The following ZNF320 variants were observed in gnomAD, a reference collection of about 807,000 sequenced individuals.
The protein encoded by ZNF320 is zinc finger protein 320, also known as zinc finger gene 320.
In ZNF320, 2 loss-of-function variants were observed where a neutral mutation model predicts 6.8. The observed-to-expected ratio is 0.29, with a 90% CI of 0.12 to 0.93. ZNF320 has a LOEUF of 0.93. Among genes scored for constraint, ZNF320 ranks in the 40% least tolerant of loss-of-function variants. ZNF320 has a pLI of 0.55. For synonymous variants in ZNF320, 208 were observed against 203.2 expected (o/e 1.02, Z -0.20); for missense variants, 472 against 611.0 (o/e 0.77, Z 2.40).
intron 1 of ZNF320, chr19:52,895,879 T>C (rs966323867): frequency 1.3e-5 from 2 of 151,254 alleles, no homozygotes; most frequent in African/African-American, 4.9e-5. Flanking sequence ...ATGCTTCCAA[T>C]ATATGATACA....
intron 3 of ZNF320, 122 bp from the exon 4 acceptor site, chr19:52,890,450 C>T: frequency 1.2e-6 from 1 of 812,568 alleles, no homozygotes; most frequent in East Asian, 2.8e-5. Context: ...GCCCACTGCC[C>T]CAGGGATGAT....
chr19:52,890,131 A>G, intron 4 of ZNF320, 110 bp downstream of exon 4: 4 of 1,502,926 alleles, frequency 2.7e-6, no homozygotes, highest in Non-Finnish European at 3.6e-6. Flanking sequence ...GGTGATTGTG[A>G]GCAAACCTGT....
chr19:52,888,987 T>C (rs1182613704), intron 4 of ZNF320, among the ~76,000 whole-genome samples: 1 of 151,966 alleles, frequency 6.6e-6, no homozygotes, highest in Admixed American at 6.6e-5. Context: ...AGTTTGAGAC[T>C]AGCCTGGCCA....
At chr19:52,898,045 C>T (rs141476322), upstream of ZNF320, among the ~76,000 whole-genome samples, 2,116 of 152,314 alleles carry the variant, frequency 0.014, 24 homozygotes, top group South Asian at 0.021. Flanking sequence ...AAGTTCCTTG[C>T]TATTGAAATT....
At chr19:52,892,496 A>T (rs980440909) in intron 2 of ZNF320, among the ~76,000 whole-genome samples, 4 of 151,996 alleles carry the variant, frequency 2.6e-5, no homozygotes, top group East Asian at 1.9e-4. Flanking sequence ...CATGCCTGTA[A>T]TCCCAGCACT....
Position 52,880,941 on chromosome 19 carries a change from A to G in ZNF320, c.1185T>C (p.Ser395=), listed in dbSNP as rs759230675. 3 of 1,613,454 alleles carry G rather than the reference A, an allele frequency of 1.9e-6. No homozygotes were observed. In the South Asian group the frequency reaches 3.3e-5, roughly 18 times the overall value. Reference sequence around the variant, plus strand: ...GATGACATGCGAGGTACGCTTTTGTACTAAAAACCTTGCCACATTCATTAC... The same window carrying G: ...GATGACATGCGAGGTACGCTTTTGTGCTAAAAACCTTGCCACATTCATTAC... ...YTCNECGKVF[S]TKAYLACHQK... Residue 395 remains serine, a synonymous_variant, in exon 6 of 6, where the codon AGT becomes AGC. Transcript: ENST00000682928.
chr19:52,859,790 C>T (rs1252029898), downstream of ZNF320, among the ~76,000 whole-genome samples: 1 of 152,072 alleles, frequency 6.6e-6, no homozygotes, highest in Non-Finnish European at 1.5e-5. Context: ...TTCCTACTTA[C>T]AGGTAAACTG....
chr19:52,891,715 T>C (rs2064299968), intron 2 of ZNF320, among the ~76,000 whole-genome samples: 1 of 152,192 alleles, frequency 6.6e-6, no homozygotes, highest in Non-Finnish European at 1.5e-5. Context: ...GCTTTTGTCC[T>C]GGGGAACACG....
chr19:52,866,619 C>T (rs565488854), intron 5 of ZNF320, among the ~76,000 whole-genome samples: 3 of 152,090 alleles, frequency 2.0e-5, no homozygotes, highest in East Asian at 3.9e-4. Context: ...GCATGTAATC[C>T]CAGTACTTTG....
intron 5 of ZNF320, among the ~76,000 whole-genome samples, chr19:52,869,772 A>G (rs2063646503): frequency 6.6e-6 from 1 of 151,498 alleles, no homozygotes; most frequent in South Asian, 2.1e-4. Context: ...CTGGAATGCA[A>G]TGGTGCGATC....
exon 6 of ZNF320, chr19:52,863,885 A>G (rs1007690957): frequency 3.5e-6 from 1 of 285,994 alleles, no homozygotes; most frequent in African/African-American, 2.4e-5. Context: ...ACAAAATAAC[A>G]TGCTGGGCAT....
In ZNF320 at chr19:52,890,328, C is replaced by T. The variant is rs1213696217; in HGVS notation, c.-73G>A. On this transcript the variant is annotated splice_region_variant and 5_prime_UTR_variant, in exon 4 of 6. Coordinates refer to ENST00000682928, the MANE Select transcript of ZNF320 (RefSeq NM_001351774.2). The stretch of plus-strand genomic sequence containing the variant: ...GTACCAAGAGTCTTTAGAAGTCAAT[C>T]CTAAATGTTAGAAATATGTTGTTTA... 3 of 1,561,002 alleles carry T rather than the reference C, an allele frequency of 1.9e-6. No homozygotes were observed. Among genetic ancestry groups the T allele is most frequent in the East Asian group, 4.5e-5 (2 of 44,626 alleles).
chr19:52,861,204 A>C (rs1301532134), exon 6 of ZNF320, among the ~76,000 whole-genome samples: 2 of 152,218 alleles, frequency 1.3e-5, no homozygotes, highest in Admixed American at 6.5e-5. Flanking sequence ...AATTAGTTGA[A>C]TTTCCATACA....
upstream of ZNF320, among the ~76,000 whole-genome samples, chr19:52,900,254 G>C (rs1301889182): frequency 6.6e-6 from 1 of 152,172 alleles, no homozygotes; most frequent in African/African-American, 2.4e-5. Flanking sequence ...ACTTTAGTAT[G>C]TAACTGTTTT....
chr19:52,903,431 G>A, the ZNF320 span, among the ~76,000 whole-genome samples: 1 of 151,942 alleles, frequency 6.6e-6, no homozygotes, highest in East Asian at 1.9e-4. Context: ...GGGGGCGGGG[G>A]GAGGAGGTCT....
At chr19:52,859,914 CTTTT>C (rs36107250), downstream of ZNF320, among the ~76,000 whole-genome samples, 6 of 130,876 alleles carry the variant, frequency 4.6e-5, no homozygotes, top group Admixed American at 2.4e-4. Context: ...GTTTTTCTTT[CTTTT>C]TTTTTTTTTT....
At chr19:52,896,281 A>C (rs917998961) in intron 1 of ZNF320, among the ~76,000 whole-genome samples, 1 of 152,120 alleles carries the variant, frequency 6.6e-6, no homozygotes, top group Non-Finnish European at 1.5e-5. Context: ...ATTCGACACG[A>C]GATTTCGCCA....
At position 52,869,411 on chromosome 19, in the gene ZNF320, A is replaced by T. The variant is rs2147780242; in HGVS notation, c.223+4581T>A. 2.0e-5 allele frequency among the ~76,000 whole-genome samples: 3 copies of T among 152,350 alleles called. No individual in the cohort carries two copies. In the South Asian group the frequency reaches 6.2e-4, roughly 32 times the overall value. On this transcript the variant is annotated intron_variant, in intron 5 of 5. Coordinates refer to the ZNF320 transcript ENST00000673631. ...AATGAGTAAAGTCTATGAGGAGTGC[A>T]GCAGCGAAGGAGACCATGGATGTGA...
intron 5 of ZNF320, among the ~76,000 whole-genome samples, chr19:52,886,551 G>A (rs761414736): frequency 2.0e-5 from 3 of 152,164 alleles, no homozygotes; most frequent in South Asian, 2.1e-4. Context: ...CGTACTGAAC[G>A]GAATGGACAC....
Sources: allele counts gnomAD v4.1 joint callset (sites outside exome capture counted in the v4.1 genomes callset), GRCh38; gene constraint gnomAD v4.1.1; transcripts MANE v1.5; gene names NCBI Gene and HGNC (gene_info 2026-07-23, HGNC 2026-07-21).